The following SOX5 variants were observed in gnomAD, a reference collection of about 807,000 sequenced individuals.
SOX5 encodes the protein transcription factor SOX-5.
A neutral mutation model predicts 92.0 loss-of-function variants in SOX5; 9 were observed. The observed-to-expected ratio is 0.10, with a 90% CI of 0.06 to 0.17. The LOEUF (loss-of-function observed/expected upper bound fraction) is 0.17. SOX5 is among the 10% of genes least tolerant of loss of function. SOX5 has a pLI of 1.00. For missense variants in SOX5, 642 were observed against 944.5 expected (o/e 0.68, Z 4.20); for synonymous variants, 344 against 336.3 (o/e 1.02, Z -0.25).
At chr12:24,094,805 A>T (rs1057339900) in intron 4 of SOX5, among the ~76,000 whole-genome samples, 8 of 151,806 alleles carry the variant, frequency 5.3e-5, no homozygotes, top group African/African-American at 1.9e-4. Flanking sequence ...CTATTTCTGG[A>T]CTCTCAATTC....
chr12:23,668,522 A>G (rs1283244776), intron 6 of SOX5, among the ~76,000 whole-genome samples: 1 of 152,224 alleles, frequency 6.6e-6, no homozygotes, highest in Non-Finnish European at 1.5e-5. Flanking sequence ...GGTAGATTCT[A>G]AAACTAACTT....
intron 1 of SOX5, among the ~76,000 whole-genome samples, chr12:24,527,343 CAAAT>C (rs760176267): frequency 9.3e-4 from 142 of 152,138 alleles, no homozygotes; most frequent in Middle Eastern, 3.4e-3. Context: ...AGAAAGAAGA[CAAAT>C]AAAGGATCAG....
intron 3 of SOX5, chr12:23,762,712 T>C (rs1374137513): frequency 2.3e-6 from 1 of 428,188 alleles, no homozygotes; most frequent in Non-Finnish European, 4.1e-6. Context: ...GTCATAGGCT[T>C]AAATTTTCTT....
chr12:24,153,403 C>T (rs760933839), intron 4 of SOX5, among the ~76,000 whole-genome samples: 1 of 152,084 alleles, frequency 6.6e-6, no homozygotes. Flanking sequence ...ATTTAATTAA[C>T]CTTATTACAA....
intron 4 of SOX5, among the ~76,000 whole-genome samples, chr12:24,046,672 CTTT>C (rs61416662): frequency 7.9e-6 from 1 of 126,750 alleles, no homozygotes; most frequent in Non-Finnish European, 1.6e-5. Context: ...TAAAATGTGT[CTTT>C]TTTTTTTTTT....
At chr12:23,973,947 T>A (rs1948634917) in intron 4 of SOX5, among the ~76,000 whole-genome samples, 1 of 152,194 alleles carries the variant, frequency 6.6e-6, no homozygotes, top group South Asian at 2.1e-4. Flanking sequence ...ACTCCCTGCC[T>A]GTGCCTGAAT....
At chr12:23,582,671 A>T (rs1481075837) in intron 9 of SOX5, among the ~76,000 whole-genome samples, 1 of 152,154 alleles carries the variant, frequency 6.6e-6, no homozygotes, top group East Asian at 1.9e-4. Flanking sequence ...TAATGCTACC[A>T]TTAGACTTGA....
intron 4 of SOX5, among the ~76,000 whole-genome samples, chr12:24,157,909 A>G (rs1047810293): frequency 1.4e-4 from 21 of 152,086 alleles, no homozygotes; most frequent in Non-Finnish European, 1.8e-4. Flanking sequence ...TCTGTTCTAC[A>G]CAATAGCCAT....
chr12:24,050,249 TTTCAA>T (rs1957441270), intron 4 of SOX5, among the ~76,000 whole-genome samples: 1 of 152,034 alleles, frequency 6.6e-6, no homozygotes, highest in Admixed American at 6.5e-5. Flanking sequence ...AGTCATATGG[TTTCAA>T]GATTTTTAAA....
At chr12:23,611,386 G>A (rs550121612) in intron 8 of SOX5, among the ~76,000 whole-genome samples, 1 of 144,490 alleles carries the variant, frequency 6.9e-6, no homozygotes, top group South Asian at 2.3e-4. Context: ...GTGTGTGTGT[G>A]TGTGTGTGTA....
intron 3 of SOX5, among the ~76,000 whole-genome samples, chr12:24,243,066 G>A (rs1194184001): frequency 6.6e-6 from 1 of 151,852 alleles, no homozygotes; most frequent in Non-Finnish European, 1.5e-5. Flanking sequence ...TTATCTCTGG[G>A]AAAAAATGGG....
intron 4 of SOX5, among the ~76,000 whole-genome samples, chr12:24,018,889 T>C (rs1215063698): frequency 6.6e-6 from 1 of 152,206 alleles, no homozygotes; most frequent in African/African-American, 2.4e-5. Flanking sequence ...CCTTTAGAAA[T>C]TGAATTATAT....
chr12:24,168,614 T>C (rs1305440687), intron 4 of SOX5, among the ~76,000 whole-genome samples: 2 of 152,062 alleles, frequency 1.3e-5, no homozygotes, highest in East Asian at 1.9e-4. Flanking sequence ...AAAATATCAA[T>C]AAAATGAGCA....
intron 2 of SOX5, among the ~76,000 whole-genome samples, chr12:24,319,568 C>T (rs1384000693): frequency 6.6e-6 from 1 of 152,212 alleles, no homozygotes; most frequent in Non-Finnish European, 1.5e-5. Context: ...TCCAAGCCCT[C>T]TTCATATGCT....
chr12:23,947,264 A>G (rs1006362012), intron 1 of SOX5, among the ~76,000 whole-genome samples: 14 of 151,996 alleles, frequency 9.2e-5, no homozygotes, highest in African/African-American at 3.1e-4. Flanking sequence ...TGGGAAATTC[A>G]TCTATAGCAA....
At chr12:23,985,590 A>G (rs1949988941) in intron 4 of SOX5, among the ~76,000 whole-genome samples, 3 of 152,192 alleles carry the variant, frequency 2.0e-5, no homozygotes, top group Admixed American at 2.0e-4. Flanking sequence ...CAGAAATAAC[A>G]ATGCTAAGTG....
At chr12:23,797,773 C>T (rs527409219) in intron 3 of SOX5, among the ~76,000 whole-genome samples, 1 of 151,940 alleles carries the variant, frequency 6.6e-6, no homozygotes, top group Non-Finnish European at 1.5e-5. Context: ...CACTTCTTTC[C>T]GTAAAAGATA....
chr12:24,254,734 TA>T (rs1940849119), intron 3 of SOX5, among the ~76,000 whole-genome samples: 1 of 151,708 alleles, frequency 6.6e-6, no homozygotes, highest in Non-Finnish European at 1.5e-5. Flanking sequence ...TATATATATA[TA>T]TATTTCCTAT....
intron 1 of SOX5, among the ~76,000 whole-genome samples, chr12:23,922,572 A>G (rs1938621878): frequency 1.3e-5 from 2 of 152,228 alleles, no homozygotes; most frequent in South Asian, 4.1e-4. Context: ...TCATATGCAC[A>G]GGTGAAGTTG....
Sources: allele counts gnomAD v4.1 joint callset (sites outside exome capture counted in the v4.1 genomes callset), GRCh38; gene constraint gnomAD v4.1.1; transcripts MANE v1.5; gene names NCBI Gene and HGNC (gene_info 2026-07-23, HGNC 2026-07-21).